Variants in ACTL6B observed in about 807,000 individuals in gnomAD.
ACTL6B encodes actin like 6B.
A neutral mutation model predicts 63.3 loss-of-function variants in ACTL6B; 48 were observed. The ratio of observed to expected loss-of-function variants is 0.76; its 90% CI spans 0.60 to 0.96. The LOEUF is 0.96. Among genes scored for constraint, ACTL6B ranks in the 50% least tolerant of loss-of-function variants. The pLI is 0.00. For missense variants in ACTL6B, 350 were observed against 572.2 expected (o/e 0.61, Z 3.96); for synonymous variants, 230 against 223.8 (o/e 1.03, Z -0.25).
chr7:100,647,175 T>TG lies in ACTL6B; in HGVS notation c.821+47dup. 1.4e-6 allele frequency: 2 copies of TG among 1,440,812 alleles called. No individual in the cohort carries two copies. The highest frequency in any genetic ancestry group is 1.9e-6 in the Non-Finnish European group (2 of 1,045,096). 89.3% of individuals were successfully genotyped at this position (1,440,812 alleles called of 1,614,324 possible). A position where few individuals can be genotyped will look rare whatever the true frequency, so the allele number is the denominator to read the frequency against. ...AGAGCCCCCCAGCCCACCCCAAGAG[T>TG]GCCGGTTCTGCCCTCTCTCCCACCC... On this transcript the variant is annotated intron_variant, in intron 9 of 13. Transcript: ENST00000160382. This position sits in a 1 kb window ranked among gnomAD's most constrained non-coding sequence, Gnocchi z 4.4.
chr7:100,656,369 T>A lies in ACTL6B; in HGVS notation c.-15A>T, dbSNP rs771092378. On this transcript the variant is annotated 5_prime_UTR_variant, in exon 1 of 14. Transcript: ENST00000160382. ...CCCCCGCTCATAGTGCCCGCTGCGCTGCTAGCGGCCCGTGGGCGGTGGCGG... is the reference window on the plus strand; with the variant it reads ...CCCCCGCTCATAGTGCCCGCTGCGCAGCTAGCGGCCCGTGGGCGGTGGCGG... The A allele has an allele frequency of 2.6e-4, 350 of 1,337,236 alleles. No homozygotes were observed. The highest frequency in any genetic ancestry group is 1.4e-3 in the Middle Eastern group (6 of 4,288). 82.8% of individuals were successfully genotyped at this position (1,337,236 alleles called of 1,614,324 possible). A position where few individuals can be genotyped will look rare whatever the true frequency, so the allele number is the denominator to read the frequency against.
chr7:100,646,947 C>G lies in ACTL6B; in HGVS notation c.936+24G>C, dbSNP rs959024824. ...CCAGGGACTGCAGCCAGCACCCACC[C>G]CAGTCCTCGCCACACAGCCAAACCT... On this transcript the variant is annotated intron_variant, in intron 10 of 13. Transcript: ENST00000160382. The surrounding 1 kb of genome is among the most constrained non-coding windows in gnomAD (Gnocchi z 6.1). 1 of 1,611,488 alleles carries G rather than the reference C, an allele frequency of 6.2e-7. No individual in the cohort carries two copies. Among genetic ancestry groups the G allele is most frequent in the Admixed American group, 1.7e-5 (1 of 59,986 alleles).
chr7:100,649,466 T>C (rs1439801012), intron 5 of ACTL6B, among the ~76,000 whole-genome samples: 1 of 151,848 alleles, frequency 6.6e-6, no homozygotes, highest in East Asian at 1.9e-4. Context: ...CCTGGCTAAT[T>C]TTTCCATTTT....
chr7:100,654,441 AATAATAAT>A (rs1804000065), intron 4 of ACTL6B, among the ~76,000 whole-genome samples: 1 of 110,800 alleles, frequency 9.0e-6, no homozygotes, highest in South Asian at 2.9e-4. Flanking sequence ...CCATAATAAT[AATAATAAT>A]AATAATAATA....
chr7:100,649,508 G>A (rs2131335415), intron 5 of ACTL6B, among the ~76,000 whole-genome samples: 1 of 151,424 alleles, frequency 6.6e-6, no homozygotes, highest in South Asian at 2.1e-4. Flanking sequence ...ATGTTGGCCG[G>A]ACTGGTCTCT....
chr7:100,656,287 G>A, intron 1 of ACTL6B, 43 bp downstream of exon 1: 1 of 1,377,494 alleles, frequency 7.3e-7, no homozygotes, highest in African/African-American at 1.5e-5. Flanking sequence ...GCGCGGGTTT[G>A]GAACGCAGGG....
chr7:100,655,924 C>T lies in ACTL6B; in HGVS notation c.26-45G>A. The T allele has an allele frequency of 7.8e-6, 12 of 1,535,644 alleles. No homozygotes were observed. The highest frequency in any genetic ancestry group is 1.1e-5 in the Non-Finnish European group (12 of 1,136,844). On this transcript the variant is annotated intron_variant, in intron 1 of 13. Coordinates refer to ENST00000160382, the MANE Select transcript of ACTL6B (RefSeq NM_016188.5). The surrounding 1 kb of genome is among the most constrained non-coding windows in gnomAD (Gnocchi z 4.4). ...TGTAAGGGGACCTCCCCCGAACTCT[C>T]TCCCGCTAGGTAGCTCCGAGAGAAA...
In ACTL6B at chr7:100,646,352, G is replaced by A; in HGVS notation, c.1114-17C>T. 1 of 1,612,378 alleles carries A rather than the reference G, an allele frequency of 6.2e-7. No homozygotes were observed. On this transcript the variant is annotated splice_polypyrimidine_tract_variant and intron_variant, in intron 12 of 13. Transcript: ENST00000160382. The surrounding 1 kb of genome is among the most constrained non-coding windows in gnomAD (Gnocchi z 6.1). The stretch of plus-strand genomic sequence containing the variant: ...TCGCATGCTCTGGGGGTAAAAAGGG[G>A]CTGGGGGAAGCAGACACCTAGGTTC...
Position 100,647,568 on chromosome 7 carries a change from G to C in ACTL6B, c.670-35C>G. The C allele has an allele frequency of 6.8e-7, 1 of 1,477,216 alleles. No homozygotes were observed. Among genetic ancestry groups the C allele is most frequent in the Admixed American group, 2.0e-5 (1 of 49,642 alleles). The allele number at this position is 1,477,216 out of a possible 1,614,324, so 91.5% of individuals were successfully genotyped here. ...CACAGTGTAGGAACACCCTTTCCTA[G>C]CCCACCTGACCCCCACCCCCACCTT... On this transcript the variant is annotated intron_variant, in intron 7 of 13. Transcript: ENST00000160382. This position sits in a 1 kb window ranked among gnomAD's most constrained non-coding sequence, Gnocchi z 4.4.
At position 100,655,628 on chromosome 7, in the gene ACTL6B, T is replaced by C. The variant is rs779696936; in HGVS notation, c.103-42A>G. 1.6e-5 allele frequency: 25 copies of C among 1,587,738 alleles called. No homozygotes were observed. The highest frequency in any genetic ancestry group is 2.1e-5 in the Non-Finnish European group (25 of 1,167,678). On this transcript the variant is annotated intron_variant, in intron 2 of 13. Coordinates refer to ENST00000160382, the MANE Select transcript of ACTL6B (RefSeq NM_016188.5). This position sits in a 1 kb window ranked among gnomAD's most constrained non-coding sequence, Gnocchi z 4.4. The stretch of plus-strand genomic sequence containing the variant: ...GGGGGAGTATTGGCAGGGAGAGAGG[T>C]CACCCTCTTGCCCCTGTCCAGCCCC...
chr7:100,654,009 G>A (rs1027603971), intron 4 of ACTL6B, among the ~76,000 whole-genome samples: 1 of 150,988 alleles, frequency 6.6e-6, no homozygotes, highest in Non-Finnish European at 1.5e-5. Flanking sequence ...GTCTCGCTCT[G>A]TTGCCCAGGC....
Position 100,647,357 on chromosome 7 carries a change from T to C in ACTL6B, c.760-73A>G, listed in dbSNP as rs925490306. The C allele has an allele frequency of 6.3e-7, 1 of 1,595,680 alleles. No individual in the cohort carries two copies. The highest frequency in any genetic ancestry group is 1.3e-5 in the African/African-American group (1 of 74,706). On this transcript the variant is annotated intron_variant, in intron 8 of 13. Transcript: ENST00000160382. The surrounding 1 kb of genome is among the most constrained non-coding windows in gnomAD (Gnocchi z 4.4). ...CACCCCCTGCCCCGCTCCCCCTCCC[T>C]GCTCCCCCTCCCATGCGGGGCCTCT...
intron 4 of ACTL6B, among the ~76,000 whole-genome samples, chr7:100,652,575 A>C (rs11772667): frequency 6.7e-6 from 1 of 148,218 alleles, no homozygotes; most frequent in Non-Finnish European, 1.5e-5. Flanking sequence ...GCAACAGAGC[A>C]AGACTATGTC....
intron 13 of ACTL6B, among the ~76,000 whole-genome samples, chr7:100,645,280 C>T (rs1330555487): frequency 1.3e-5 from 2 of 152,120 alleles, no homozygotes; most frequent in Non-Finnish European, 2.9e-5. Context: ...GCTCCCTGCT[C>T]AGTACCTTCC....
intron 13 of ACTL6B, among the ~76,000 whole-genome samples, chr7:100,645,577 G>A (rs1803805350): frequency 6.6e-6 from 1 of 151,902 alleles, no homozygotes; most frequent in African/African-American, 2.4e-5. Flanking sequence ...TGAGCACAGT[G>A]GGTGTATCAC....
At position 100,648,068 on chromosome 7, in the gene ACTL6B, T is replaced by A. The variant is rs1202310246; in HGVS notation, c.669+488A>T. ...TCTGCCTCCGGGGTTCAGGTGATTC[T>A]CCAGTCTCAGCCTCCCAAGTAGCTG... On this transcript the variant is annotated intron_variant, in intron 7 of 13. Transcript: ENST00000160382. This position sits in a 1 kb window ranked among gnomAD's most constrained non-coding sequence, Gnocchi z 4.4. Among the ~76,000 whole-genome samples, 1 of 151,702 alleles carries A rather than the reference T, an allele frequency of 6.6e-6. No individual in the cohort carries two copies. Among genetic ancestry groups the A allele is most frequent in the Non-Finnish European group, 1.5e-5 (1 of 67,936 alleles).
rs1804014489 is a variant in ACTL6B, at chr7:100,655,147, AC to A, written c.269-29del. Reference sequence around the variant, plus strand: ...GGGGCCAGAAGAGCAGCGTGCAGAGACGCAAGAAGGCAGGCAGGGGACAGGG... The same window carrying A: ...GGGGCCAGAAGAGCAGCGTGCAGAGAGCAAGAAGGCAGGCAGGGGACAGGG... On this transcript the variant is annotated intron_variant, in intron 3 of 13. Transcript: ENST00000160382. The surrounding 1 kb of genome is among the most constrained non-coding windows in gnomAD (Gnocchi z 4.4). The A allele has an allele frequency of 1.3e-6, 2 of 1,583,382 alleles. No homozygotes were observed. The highest frequency in any genetic ancestry group is 3.3e-5 in the Admixed American group (2 of 59,858).
intron 4 of ACTL6B, among the ~76,000 whole-genome samples, chr7:100,650,513 ACACT>A (rs757586558): frequency 6.1e-4 from 93 of 152,256 alleles, no homozygotes; most frequent in Non-Finnish European, 8.4e-4. Context: ...ACATATATTC[ACACT>A]CACAGTCACA....
In ACTL6B at chr7:100,655,172, G is replaced by T. The variant is rs1804015167; in HGVS notation, c.269-53C>A. 2 of 1,494,836 alleles carry T rather than the reference G, an allele frequency of 1.3e-6. No individual in the cohort carries two copies. The highest frequency in any genetic ancestry group is 1.4e-5 in the African/African-American group (1 of 72,484). The allele number at this position is 1,494,836 out of a possible 1,614,324, so 92.6% of individuals were successfully genotyped here. On this transcript the variant is annotated intron_variant, in intron 3 of 13. Coordinates refer to ENST00000160382, the MANE Select transcript of ACTL6B (RefSeq NM_016188.5). The surrounding 1 kb of genome is among the most constrained non-coding windows in gnomAD (Gnocchi z 4.4). ...ACGCAAGAAGGCAGGCAGGGGACAG[G>T]GACAGGAAGAAAAGGAGGGAGAAAG...
Sources: allele counts gnomAD v4.1 joint callset (sites outside exome capture counted in the v4.1 genomes callset), GRCh38; gene constraint gnomAD v4.1.1; non-coding constraint Gnocchi (gnomAD v3.1); transcripts MANE v1.5; gene names NCBI Gene and HGNC (gene_info 2026-07-23, HGNC 2026-07-21).